Variants in LAMA5 observed in about 807,000 individuals in gnomAD.
The protein encoded by LAMA5 is laminin subunit alpha 5, also known as laminin subunit alpha-5.
A neutral mutation model predicts 433.4 loss-of-function variants in LAMA5; 260 were observed. The observed-to-expected ratio is 0.60, with a 90% CI of 0.54 to 0.66. The LOEUF is 0.66. LAMA5 is among the 30% of genes least tolerant of loss of function. The probability of loss-of-function intolerance (pLI) is 0.00; values close to 1 mark genes in which losing one functional copy is unlikely to be tolerated. For missense variants in LAMA5, 5,378 were observed against 5,258.5 expected, an observed-to-expected ratio of 1.02 and a Z score of -0.70; for synonymous variants, 2,620 against 2,226.6, an observed-to-expected ratio of 1.18 and a Z score of -4.97.
chr20:62,339,395 G>A (rs6143025), intron 11 of LAMA5, among the ~76,000 whole-genome samples: 33,024 of 151,638 alleles, frequency 0.22, 3,756 homozygotes, highest in African/African-American at 0.24. Flanking sequence ...ACGCTGCCAC[G>A]CCCGGCTAAT....
At chr20:62,340,137 G>A (rs931717239) in intron 11 of LAMA5, among the ~76,000 whole-genome samples, 5 of 151,974 alleles carry the variant, frequency 3.3e-5, no homozygotes, top group African/African-American at 4.8e-5. Flanking sequence ...GTGTCCTGGA[G>A]GTGAGGGAAG....
chr20:62,319,633 C>T (rs1987449584), intron 51 of LAMA5, 51 bp downstream of exon 51: 2 of 1,367,790 alleles, frequency 1.5e-6, no homozygotes, highest in Admixed American at 2.0e-5. Context: ...ACCCCTACCC[C>T]AGGCAGCCCT....
rs1245063094 is a variant in LAMA5 at position 62,320,902 on chromosome 20, G to A, written c.6497-12C>T. 3.1e-6 allele frequency: 5 copies of A among 1,601,756 alleles called. No individual in the cohort carries two copies. The highest frequency in any genetic ancestry group is 4.3e-6 in the Non-Finnish European group (5 of 1,173,316). ...ACAGTGGTCACACACTGCAGGCGAT[G>A]TGGGGTCACAGGTCAGTGTCATTGG... On this transcript the variant is annotated splice_polypyrimidine_tract_variant and intron_variant, in intron 48 of 79. Transcript: ENST00000252999.
chr20:62,317,672 T>A lies in LAMA5; in HGVS notation c.7346A>T (p.Gln2449Leu). ...SVFRLLHSLD[Q>L]AKEELERLAA... Reference sequence around the variant, plus strand: ...AGGGGCTGCACTCACCTCCTTAGCCTGGTCCAGGCTGTGCAGCAATCTGAA... The same window carrying A: ...AGGGGCTGCACTCACCTCCTTAGCCAGGTCCAGGCTGTGCAGCAATCTGAA... The change falls in exon 54 of 80, where the codon CAG (glutamine) becomes CTG (leucine). Residue 2449 changes from glutamine to leucine, a missense_variant. Transcript: ENST00000252999. The A allele has an allele frequency of 1.3e-6, 2 of 1,586,562 alleles. No individual in the cohort carries two copies. The highest frequency in any genetic ancestry group is 1.7e-6 in the Non-Finnish European group (2 of 1,167,522).
rs375780564 is a variant in LAMA5, at chr20:62,312,798, G to A, written c.9079-18C>T. ...ACCTGGATCTACAGGACCAGTGGGG[G>A]CTCCAGGGCCAGCTGTGTCCCTGCG... On this transcript the variant is annotated intron_variant, in intron 66 of 79. Coordinates refer to ENST00000252999, the MANE Select transcript of LAMA5 (RefSeq NM_005560.6). 2.8e-5 allele frequency: 45 copies of A among 1,595,450 alleles called. 1 individual carries two copies. The highest frequency in any genetic ancestry group is 1.6e-4 in the Middle Eastern group (1 of 6,070).
At chr20:62,334,949 G>T in intron 20 of LAMA5, 72 bp downstream of exon 20, 4 of 1,428,614 alleles carry the variant, frequency 2.8e-6, no homozygotes, top group Non-Finnish European at 3.9e-6. Context: ...TTGTCCCTCC[G>T]GGCCTTGGGT....
intron 11 of LAMA5, among the ~76,000 whole-genome samples, chr20:62,339,286 A>G (rs909845664): frequency 1.0e-4 from 13 of 130,578 alleles, no homozygotes; most frequent in African/African-American, 4.0e-4. Flanking sequence ...CGCCCAGGCT[A>G]GAGTGCAGTG....
rs1180282052 is a variant in LAMA5, at chr20:62,334,109, G to A, written c.2740-70C>T. ...AGCCTGAGGCCTGGGCCTTCAAGGGGCCTGCCCACCCCTCCCTGCCAGCCA... is the reference window on the plus strand; with the variant it reads ...AGCCTGAGGCCTGGGCCTTCAAGGGACCTGCCCACCCCTCCCTGCCAGCCA... On this transcript the variant is annotated intron_variant, in intron 22 of 79. Transcript: ENST00000252999. 12 of 1,586,378 alleles carry A rather than the reference G, an allele frequency of 7.6e-6. No individual in the cohort carries two copies. The East Asian group carries it at 2.0e-4, about 27-fold the overall frequency.
chr20:62,323,061 G>A (rs1168034001), intron 45 of LAMA5, among the ~76,000 whole-genome samples: 1 of 141,986 alleles, frequency 7.0e-6, no homozygotes, highest in South Asian at 2.4e-4. Context: ...GGGGGAGAGG[G>A]GATGTGATCG....
chr20:62,323,759 C>T lies in LAMA5; in HGVS notation c.5849+17G>A, dbSNP rs377436485. On this transcript the variant is annotated intron_variant, in intron 44 of 79. Transcript: ENST00000252999. ...TCAGCACTCAGGCCCTGCCCCACTGCCCTAGCCCCAGCTCACCGCTCGCAG... is the reference window on the plus strand; with the variant it reads ...TCAGCACTCAGGCCCTGCCCCACTGTCCTAGCCCCAGCTCACCGCTCGCAG... 24 of 1,607,358 alleles carry T rather than the reference C, an allele frequency of 1.5e-5. 1 individual carries two copies. In the South Asian group the frequency reaches 2.7e-4, roughly 18 times the overall value.
intron 40 of LAMA5, 22 bp from the exon 41 acceptor site, chr20:62,325,568 T>A: frequency 6.6e-7 from 1 of 1,507,444 alleles, no homozygotes; most frequent in Non-Finnish European, 9.2e-7. Flanking sequence ...GGATGGCACC[T>A]CAGTGGGGCC....
intron 11 of LAMA5, chr20:62,345,534 G>A: frequency 1.8e-6 from 1 of 559,392 alleles, no homozygotes; most frequent in Non-Finnish European, 3.3e-6. Flanking sequence ...AGCCTCCGGA[G>A]TAGCTCGAAC....
chr20:62,320,222 G>A (rs1486202276), intron 50 of LAMA5, among the ~76,000 whole-genome samples: 2 of 149,142 alleles, frequency 1.3e-5, no homozygotes, highest in Non-Finnish European at 3.0e-5. Flanking sequence ...GGAGGCTGAG[G>A]CAGGAGAATC....
In LAMA5 at chr20:62,323,848, T is replaced by G; in HGVS notation, c.5777A>C (p.Glu1926Ala). The G allele has an allele frequency of 1.2e-6, 2 of 1,605,484 alleles. No individual in the cohort carries two copies. The highest frequency in any genetic ancestry group is 1.7e-6 in the Non-Finnish European group (2 of 1,176,252). The change falls in exon 44 of 80, where the codon GAG becomes GCG. Residue 1926 changes from glutamate to alanine, a missense_variant. Glu to Ala is a moderately radical substitution (Grantham distance 107). Coordinates refer to ENST00000252999, the MANE Select transcript of LAMA5 (RefSeq NM_005560.6). ...PLSVPSNNFA[E>A]GCVLRGGRTQ... ...GCGGCCGCCTCGCAGGACACAGCCCTCGGCGAAGCTGCAAAGACCAGCAGC... is the reference window on the plus strand; with the variant it reads ...GCGGCCGCCTCGCAGGACACAGCCCGCGGCGAAGCTGCAAAGACCAGCAGC...
intron 40 of LAMA5, 25 bp from the exon 41 acceptor site, chr20:62,325,571 G>C (rs760263379): frequency 2.2e-5 from 33 of 1,499,212 alleles, no homozygotes; most frequent in Non-Finnish European, 2.8e-5. Flanking sequence ...TGGCACCTCA[G>C]TGGGGCCACA....
chr20:62,344,946 G>C (rs1236633057), intron 11 of LAMA5, among the ~76,000 whole-genome samples: 1 of 152,202 alleles, frequency 6.6e-6, no homozygotes, highest in Non-Finnish European at 1.5e-5. Context: ...CGAAGCTTGT[G>C]AAAGAGAAGT....
At position 62,352,417 on chromosome 20, in the gene LAMA5, G is replaced by A. The variant is rs1161948877; in HGVS notation, c.569-57C>T. The A allele has an allele frequency of 1.3e-5, 18 of 1,393,566 alleles. 1 individual carries two copies. The highest frequency in any genetic ancestry group is 5.7e-5 in the African/African-American group (4 of 70,656). The allele number at this position is 1,393,566 out of a possible 1,614,324, so 86.3% of individuals were successfully genotyped here. On this transcript the variant is annotated intron_variant, in intron 3 of 79. Transcript: ENST00000252999. ...GATCACCAGAAAAGCCTGGGTCCCC[G>A]CGGTGCCCGGGCCCCTTGACGTCTC...
chr20:62,335,009 G>A lies in LAMA5; in HGVS notation c.2482+12C>T, dbSNP rs931679138. The A allele has an allele frequency of 5.0e-6, 8 of 1,609,764 alleles. No individual in the cohort carries two copies. Among genetic ancestry groups the A allele is most frequent in the Non-Finnish European group, 6.8e-6 (8 of 1,177,106 alleles). Reference sequence around the variant, plus strand: ...CAGGGCTGTGGTCTGGGACGAGCGAGTGGGCACTCACTGCGGCAGCCAAAA... The same window carrying A: ...CAGGGCTGTGGTCTGGGACGAGCGAATGGGCACTCACTGCGGCAGCCAAAA... On this transcript the variant is annotated intron_variant, in intron 20 of 79. Transcript: ENST00000252999.
chr20:62,332,863 G>A, intron 26 of LAMA5, 146 bp from the exon 27 acceptor site: 1 of 1,083,750 alleles, frequency 9.2e-7, no homozygotes, highest in South Asian at 1.6e-5. Context: ...CAAGTGGTGG[G>A]GGCTGAGCTG....
Sources: allele counts gnomAD v4.1 joint callset (sites outside exome capture counted in the v4.1 genomes callset), GRCh38; gene constraint gnomAD v4.1.1; transcripts MANE v1.5; gene names NCBI Gene and HGNC (gene_info 2026-07-23, HGNC 2026-07-21).